PDE8A: variants seen among roughly 807,000 people sequenced by gnomAD.
The protein encoded by PDE8A is phosphodiesterase 8A.
A neutral mutation model predicts 105.0 loss-of-function variants in PDE8A; 59 were observed. The ratio of observed to expected loss-of-function variants is 0.56; its 90% confidence interval spans 0.46 to 0.70. The LOEUF (loss-of-function observed/expected upper bound fraction) is 0.70. Ranked by LOEUF, PDE8A falls within the 30% of genes least tolerant of loss-of-function variation. The pLI is 0.00. For missense variants in PDE8A, 1,014 were observed against 1,045.9 expected (o/e 0.97, Z 0.42); for synonymous variants, 355 against 371.9 (o/e 0.95, Z 0.52).
At chr15:85,000,326 T>G (rs984975312) in intron 1 of PDE8A, among the ~76,000 whole-genome samples, 1 of 152,130 alleles carries the variant, frequency 6.6e-6, no homozygotes, top group African/African-American at 2.4e-5. Flanking sequence ...AATGGAAAAA[T>G]AAACAGGGGT....
Position 85,138,163 on chromosome 15 carries a change from A to G in PDE8A, c.*260A>G. 1 of 377,704 alleles carries G rather than the reference A, an allele frequency of 2.6e-6. No homozygotes were observed. The highest frequency in any genetic ancestry group is 4.5e-5 in the East Asian group (1 of 22,444). The allele number at this position is 377,704 out of a possible 1,614,324, so 23.4% of individuals were successfully genotyped here. A position where few individuals can be genotyped will look rare whatever the true frequency, so the allele number is the denominator to read the frequency against. The stretch of plus-strand genomic sequence containing the variant: ...GCACATGAGGACCACGGTTTGCCTC[A>G]GTTTCTGGTAAAACACAAGGTCTGG... On this transcript the variant is annotated 3_prime_UTR_variant, in exon 22 of 22. Coordinates refer to ENST00000394553, the MANE Select transcript of PDE8A (RefSeq NM_002605.3).
chr15:85,127,173 G>A (rs2082270308), intron 20 of PDE8A, among the ~76,000 whole-genome samples: 1 of 152,118 alleles, frequency 6.6e-6, no homozygotes, highest in Non-Finnish European at 1.5e-5. Flanking sequence ...ACTCCAACCT[G>A]AGCGACAAAG....
At chr15:85,010,050 T>A (rs1028612570) in intron 1 of PDE8A, among the ~76,000 whole-genome samples, 1 of 152,198 alleles carries the variant, frequency 6.6e-6, no homozygotes, top group Non-Finnish European at 1.5e-5. Flanking sequence ...TGATTTAGTT[T>A]ATACAAAGTT....
At chr15:85,091,901 C>CTTTTTTTTTTTTTTTTTTTTT (rs563631633) in intron 8 of PDE8A, among the ~76,000 whole-genome samples, 1 of 88,390 alleles carries the variant, frequency 1.1e-5, no homozygotes, top group Non-Finnish European at 2.1e-5. Context: ...TTCTGCTGGA[C>CTTTTTTTTTTTTTTTTTTTTT]TTTTTTTTTT....
chr15:85,105,443 C>G (rs982738269), intron 11 of PDE8A, among the ~76,000 whole-genome samples: 1 of 152,148 alleles, frequency 6.6e-6, no homozygotes, highest in Non-Finnish European at 1.5e-5. Flanking sequence ...ACATAAAATA[C>G]TGGGGTCTGG....
intron 1 of PDE8A, among the ~76,000 whole-genome samples, chr15:85,043,041 C>G (rs1223098345): frequency 6.6e-6 from 1 of 152,080 alleles, no homozygotes; most frequent in Non-Finnish European, 1.5e-5. Context: ...AGTCAGGATG[C>G]TAGTAGTGAT....
chr15:85,092,920 C>CTTTTTTTTTTTTTTTTT (rs5814181), intron 8 of PDE8A, among the ~76,000 whole-genome samples: 2 of 132,052 alleles, frequency 1.5e-5, no homozygotes, highest in Non-Finnish European at 3.3e-5. Flanking sequence ...TACTGCTTTC[C>CTTTTTTTTTTTTTTTTT]TTTTTTTTTT....
chr15:84,989,220 G>A (rs2079849263), intron 1 of PDE8A, among the ~76,000 whole-genome samples: 1 of 152,246 alleles, frequency 6.6e-6, no homozygotes, highest in Non-Finnish European at 1.5e-5. Flanking sequence ...GGCACCATGT[G>A]TAGTTTGCCC....
chr15:85,089,679 A>T (rs902532727), intron 7 of PDE8A, among the ~76,000 whole-genome samples: 1 of 152,178 alleles, frequency 6.6e-6, no homozygotes, highest in Admixed American at 6.5e-5. Flanking sequence ...TAGTTTGTTT[A>T]TTTAACAAGG....
chr15:85,038,658 G>A (rs1187767206), intron 1 of PDE8A, among the ~76,000 whole-genome samples: 1 of 152,016 alleles, frequency 6.6e-6, no homozygotes, highest in Non-Finnish European at 1.5e-5. Flanking sequence ...AAGAAAACAC[G>A]TAACTTAAAA....
At chr15:85,008,769 A>G (rs111455204) in intron 1 of PDE8A, among the ~76,000 whole-genome samples, 50 of 152,022 alleles carry the variant, frequency 3.3e-4, no homozygotes, top group African/African-American at 1.2e-3. Context: ...ATCCCACCCT[A>G]TTCCACCTTG....
intron 1 of PDE8A, among the ~76,000 whole-genome samples, chr15:85,058,610 T>C (rs1326980830): frequency 6.6e-6 from 1 of 152,192 alleles, no homozygotes; most frequent in African/African-American, 2.4e-5. Context: ...GTTTTCTGTT[T>C]CTTTATGATT....
chr15:85,018,367 A>G (rs892501015), intron 1 of PDE8A, among the ~76,000 whole-genome samples: 2 of 152,206 alleles, frequency 1.3e-5, no homozygotes, highest in African/African-American at 2.4e-5. Context: ...TTGTTGTTAA[A>G]AAATTTTTGT....
intron 16 of PDE8A, among the ~76,000 whole-genome samples, chr15:85,116,828 A>G (rs559071421): frequency 6.6e-6 from 1 of 152,280 alleles, no homozygotes; most frequent in South Asian, 2.1e-4. Context: ...CCTTGAGTTA[A>G]CCTTCTGATA....
At chr15:85,025,170 G>A (rs2080493978) in intron 1 of PDE8A, among the ~76,000 whole-genome samples, 1 of 152,062 alleles carries the variant, frequency 6.6e-6, no homozygotes, top group South Asian at 2.1e-4. Flanking sequence ...ATAAGTCCTG[G>A]ATCAGACCTG....
chr15:85,002,546 A>G (rs1004182328), intron 1 of PDE8A, among the ~76,000 whole-genome samples: 1 of 152,200 alleles, frequency 6.6e-6, no homozygotes, highest in East Asian at 1.9e-4. Flanking sequence ...GCTTCATTAC[A>G]TAGGCATGGT....
At chr15:85,097,396 G>C (rs1404092644) in intron 8 of PDE8A, among the ~76,000 whole-genome samples, 2 of 152,120 alleles carry the variant, frequency 1.3e-5, no homozygotes, top group Non-Finnish European at 2.9e-5. Context: ...TTCAGCCCTG[G>C]GTTTTGAGGT....
intron 11 of PDE8A, among the ~76,000 whole-genome samples, chr15:85,102,494 C>T (rs1265994640): frequency 1.3e-5 from 2 of 151,330 alleles, no homozygotes; most frequent in South Asian, 2.1e-4. Flanking sequence ...ACCACAAGTT[C>T]ACAGGGGGCT....
intron 17 of PDE8A, among the ~76,000 whole-genome samples, chr15:85,119,646 T>G (rs2082151246): frequency 6.6e-6 from 1 of 152,018 alleles, no homozygotes; most frequent in Admixed American, 6.6e-5. Flanking sequence ...TACTGGGACA[T>G]AATGTGTTGA....
Sources: gnomAD v4.1 joint callset for allele counts (sites outside exome capture counted in the v4.1 genomes callset) on GRCh38, gnomAD v4.1.1 for gene constraint, MANE v1.5 for transcripts, NCBI Gene and HGNC (gene_info 2026-07-23, HGNC 2026-07-21) for gene names.